MTMR7: variants seen among roughly 807,000 people sequenced by gnomAD.
The protein encoded by MTMR7 is phosphatidylinositol-3-phosphate phosphatase MTMR7.
In MTMR7, 76 loss-of-function variants were observed where a neutral mutation model predicts 81.2. The observed-to-expected ratio is 0.94, with a 90% CI of 0.78 to 1.13. MTMR7 has a LOEUF of 1.13. Ranked by LOEUF, MTMR7 falls within the 50% of genes most tolerant of loss-of-function variation. The pLI is 0.00. For missense variants in MTMR7, 1,044 were observed against 820.0 expected (o/e 1.27, Z -3.34); for synonymous variants, 372 against 289.8 (o/e 1.28, Z -2.88).
At chr8:17,333,532 G>A (rs1018602529) in intron 6 of MTMR7, among the ~76,000 whole-genome samples, 1 of 152,122 alleles carries the variant, frequency 6.6e-6, no homozygotes, top group African/African-American at 2.4e-5. Context: ...ACATACCACA[G>A]AGATACTCTT....
intron 3 of MTMR7, among the ~76,000 whole-genome samples, chr8:17,367,220 G>T (rs1221391123): frequency 6.6e-6 from 1 of 151,924 alleles, no homozygotes; most frequent in Admixed American, 6.6e-5. Flanking sequence ...AAAAGAACTG[G>T]GGACTAAAAT....
chr8:17,406,602 G>A (rs1821590202), intron 1 of MTMR7, among the ~76,000 whole-genome samples: 1 of 151,460 alleles, frequency 6.6e-6, no homozygotes. Context: ...TAACCACAAA[G>A]TTGCTATACG....
intron 10 of MTMR7, among the ~76,000 whole-genome samples, chr8:17,306,805 G>T (rs1275793397): frequency 6.6e-6 from 1 of 152,170 alleles, no homozygotes; most frequent in East Asian, 1.9e-4. Context: ...ACCTTTGGTA[G>T]CTTTAAAAAG....
At chr8:17,342,403 G>T (rs549101055) in intron 5 of MTMR7, among the ~76,000 whole-genome samples, 2 of 152,294 alleles carry the variant, frequency 1.3e-5, no homozygotes, top group African/African-American at 4.8e-5. Context: ...CTCCATGCAG[G>T]ATAATATGGA....
chr8:17,298,588 T>C lies in MTMR7; in HGVS notation c.*1274A>G, dbSNP rs1212422021. 1 of 152,596 alleles carries C rather than the reference T, an allele frequency of 6.6e-6. No individual in the cohort carries two copies. The highest frequency in any genetic ancestry group is 6.5e-5 in the Admixed American group (1 of 15,272). The allele number at this position is 152,596 out of a possible 1,614,324, so 9.5% of individuals were successfully genotyped here. On this transcript the variant is annotated 3_prime_UTR_variant, in exon 14 of 14. Transcript: ENST00000180173. ...CAAAATATTGATGTAAATTGTAAAG[T>C]TTAAATTAATCCTTTCACATATTCA...
rs1003190730 is a variant in MTMR7, at chr8:17,386,645, G to T, written c.25-13405C>A. Among the ~76,000 whole-genome samples, 5 of 151,892 alleles carry T rather than the reference G, an allele frequency of 3.3e-5. No homozygotes were observed. The East Asian group carries it at 7.8e-4, about 24-fold the overall frequency. ...CTGGCTCTCAGCAGGCTCTGCTCAT[G>T]ATGGCTCCAGTTGCCCCTGTCCCAT... is the stretch of plus-strand genomic sequence containing the variant. On this transcript the variant is annotated intron_variant, in intron 1 of 13. Coordinates refer to ENST00000180173, the MANE Select transcript of MTMR7 (RefSeq NM_004686.5).
intron 7 of MTMR7, among the ~76,000 whole-genome samples, chr8:17,322,600 G>A (rs997028263): frequency 6.6e-6 from 1 of 152,114 alleles, no homozygotes; most frequent in South Asian, 2.1e-4. Context: ...CAGTAGGATT[G>A]CTTGAGCCCA....
chr8:17,302,200 T>G lies in MTMR7; in HGVS notation c.1574A>C (p.Lys525Thr). The G allele has an allele frequency of 6.2e-7, 1 of 1,614,144 alleles. No homozygotes were observed. The highest frequency in any genetic ancestry group is 8.5e-7 in the Non-Finnish European group (1 of 1,179,984). ...TTCCTCTAGCTGCTGAGTTTCTTCC[T>G]TCACTGCCATTAGGTAATCTGTAAC... ...QSVTDYLMAV[K>T]EETQQLEEEL... The change falls in exon 13 of 14, where the codon AAG becomes ACG. Residue 525 changes from lysine to threonine, a missense_variant. Lys to Thr is a moderately conservative substitution (Grantham distance 78, BLOSUM62 -1). Coordinates refer to ENST00000180173, the MANE Select transcript of MTMR7 (RefSeq NM_004686.5).
intron 4 of MTMR7, among the ~76,000 whole-genome samples, chr8:17,356,627 T>C (rs1168590145): frequency 2.0e-5 from 3 of 151,880 alleles, no homozygotes; most frequent in Admixed American, 6.6e-5. Context: ...GGCAGGAAAA[T>C]TGCTTGAACC....
intron 1 of MTMR7, among the ~76,000 whole-genome samples, chr8:17,405,729 T>C (rs11203854): frequency 0.44 from 66,013 of 151,484 alleles, 15,331 homozygotes; most frequent in Admixed American, 0.59. Context: ...GTCATCATCA[T>C]AATGTGGACT....
In MTMR7 at chr8:17,311,661, A is replaced by T; in HGVS notation, c.976-25T>A. On this transcript the variant is annotated intron_variant, in intron 8 of 13. Coordinates refer to ENST00000180173, the MANE Select transcript of MTMR7 (RefSeq NM_004686.5). Reference sequence around the variant, plus strand: ...CCTAGAAAACACACGATCCGCAAAGAGTCACAAAGAATGGCTGTAAAAAGG... The same window carrying T: ...CCTAGAAAACACACGATCCGCAAAGTGTCACAAAGAATGGCTGTAAAAAGG... 5 of 1,613,830 alleles carry T rather than the reference A, an allele frequency of 3.1e-6. No homozygotes were observed. In the South Asian group the frequency reaches 5.5e-5, roughly 18 times the overall value.
At chr8:17,400,808 T>C (rs1207346781) in intron 1 of MTMR7, among the ~76,000 whole-genome samples, 4 of 152,130 alleles carry the variant, frequency 2.6e-5, no homozygotes, top group African/African-American at 7.2e-5. Flanking sequence ...AAAGTGTAGA[T>C]GTGGCAGTAT....
At chr8:17,378,025 C>G (rs544986110) in intron 1 of MTMR7, among the ~76,000 whole-genome samples, 1 of 152,108 alleles carries the variant, frequency 6.6e-6, no homozygotes, top group Non-Finnish European at 1.5e-5. Flanking sequence ...AGCTGTATCA[C>G]TTAAATTATT....
chr8:17,307,103 A>G (rs978685261), intron 10 of MTMR7, among the ~76,000 whole-genome samples: 12 of 152,184 alleles, frequency 7.9e-5, no homozygotes, highest in African/African-American at 2.4e-4. Context: ...TGAACAGGCA[A>G]CCTACAAAAT....
At chr8:17,322,250 G>A (rs1248180354) in intron 7 of MTMR7, among the ~76,000 whole-genome samples, 1 of 152,208 alleles carries the variant, frequency 6.6e-6, no homozygotes, top group African/African-American at 2.4e-5. Context: ...ACCAGGTGAA[G>A]CCATTCAAAG....
At chr8:17,389,973 G>C (rs1821053993) in intron 1 of MTMR7, among the ~76,000 whole-genome samples, 2 of 151,770 alleles carry the variant, frequency 1.3e-5, no homozygotes, top group African/African-American at 2.4e-5. Context: ...AGAGTGTTCT[G>C]AGTGCTGGGG....
chr8:17,376,014 T>G (rs1820575102), intron 1 of MTMR7, among the ~76,000 whole-genome samples: 1 of 152,208 alleles, frequency 6.6e-6, no homozygotes, highest in African/African-American at 2.4e-5. Flanking sequence ...ATTAACGCAC[T>G]ATTTTAAAAC....
At chr8:17,410,274 G>T (rs1370063082) in intron 1 of MTMR7, among the ~76,000 whole-genome samples, 1 of 152,062 alleles carries the variant, frequency 6.6e-6, no homozygotes, top group Non-Finnish European at 1.5e-5. Flanking sequence ...TACACATGTG[G>T]GAAAAATGCC....
chr8:17,355,906 A>C (rs1477963481), intron 4 of MTMR7, among the ~76,000 whole-genome samples: 2 of 152,202 alleles, frequency 1.3e-5, no homozygotes, highest in East Asian at 1.9e-4. Context: ...GTTTGGCTCA[A>C]AGTTAAGACC....
Sources: gnomAD v4.1 joint callset for allele counts (sites outside exome capture counted in the v4.1 genomes callset) on GRCh38, gnomAD v4.1.1 for gene constraint, MANE v1.5 for transcripts, NCBI Gene and HGNC (gene_info 2026-07-23, HGNC 2026-07-21) for gene names.